MOGAT1: variants seen among roughly 807,000 people sequenced by gnomAD.
MOGAT1 encodes monoacylglycerol O-acyltransferase 1.
In MOGAT1, 32 loss-of-function variants were observed where a neutral mutation model predicts 31.4. The ratio of observed to expected loss-of-function variants is 1.02; its 90% CI spans 0.77 to 1.37. MOGAT1 has a LOEUF of 1.37. Ranked by LOEUF, MOGAT1 falls within the 40% of genes most tolerant of loss-of-function variation. The probability of loss-of-function intolerance (pLI) is 0.00; values close to 1 mark genes in which losing one functional copy is unlikely to be tolerated. For synonymous variants in MOGAT1, 145 were observed against 144.5 expected, an observed-to-expected ratio of 1.00 and a Z score of -0.03; for missense variants, 426 against 402.0, an observed-to-expected ratio of 1.06 and a Z score of -0.51.
At chr2:222,690,737 C>T (rs1476420570) in intron 3 of MOGAT1, among the ~76,000 whole-genome samples, 1 of 152,142 alleles carries the variant, frequency 6.6e-6, no homozygotes, top group Non-Finnish European at 1.5e-5. Context: ...GTCCCGAGGG[C>T]ACACTAGAGG....
At chr2:222,698,659 G>A (rs1326302850) in intron 5 of MOGAT1, 2 of 152,136 alleles carry the variant, frequency 1.3e-5, no homozygotes, top group Non-Finnish European at 2.9e-5. Flanking sequence ...GCTAATGGAG[G>A]GTCTCCGGCT....
chr2:222,703,745 G>T (rs1692964252), intron 5 of MOGAT1, among the ~76,000 whole-genome samples: 1 of 152,096 alleles, frequency 6.6e-6, no homozygotes, highest in South Asian at 2.1e-4. Context: ...CAGCTATGTA[G>T]CATGTTGGAG....
At chr2:222,703,387 TTTTTTTGTTTGTTTGTTTTG>T (rs1247045806) in intron 5 of MOGAT1, among the ~76,000 whole-genome samples, 2 of 151,966 alleles carry the variant, frequency 1.3e-5, no homozygotes, top group African/African-American at 4.8e-5. Context: ...TACCTGAGGG[TTTTTTTGTTTGTTTGTTTTG>T]TTTTTTGTTT....
chr2:222,672,924 T>C (rs568962255), intron 1 of MOGAT1, among the ~76,000 whole-genome samples: 13 of 145,780 alleles, frequency 8.9e-5, no homozygotes, highest in African/African-American at 2.2e-4. Flanking sequence ...TTATTATTAT[T>C]ATCTTTGAGA....
intron 1 of MOGAT1, among the ~76,000 whole-genome samples, chr2:222,683,549 G>A (rs1052380651): frequency 4.6e-5 from 7 of 151,856 alleles, no homozygotes; most frequent in African/African-American, 7.2e-5. Flanking sequence ...CAAACATGGC[G>A]AAACCCCGCC....
At position 222,687,131 on chromosome 2, in the gene MOGAT1, AAAAAAAAAGAAAGAACAAG is replaced by A. The variant is rs1370865456; in HGVS notation, c.95-1209_95-1191del. On this transcript the variant is annotated intron_variant, in intron 1 of 5. Transcript: ENST00000446656. ...TCCATCTCAAAAAAAAAAAAAAAAA[AAAAAAAAAGAAAGAACAAG>A]AAAGAAAGAAAAAATATATATAAAT... 2.1e-3 allele frequency among the ~76,000 whole-genome samples: 250 copies of A among 121,056 alleles called. 12 individuals carry two copies. Among genetic ancestry groups the A allele is most frequent in the Non-Finnish European group, 2.2e-3 (132 of 60,056 alleles). 79.4% of individuals were successfully genotyped at this position (121,056 alleles called of 152,430 possible).
chr2:222,690,559 AAAAG>A (rs1468342631), intron 3 of MOGAT1, among the ~76,000 whole-genome samples: 2 of 152,094 alleles, frequency 1.3e-5, no homozygotes, highest in South Asian at 4.1e-4. Context: ...TCCGTCTCAA[AAAAG>A]AAAGAAAGAA....
chr2:222,683,704 G>A (rs1020199826), intron 1 of MOGAT1, among the ~76,000 whole-genome samples: 1 of 152,074 alleles, frequency 6.6e-6, no homozygotes, highest in African/African-American at 2.4e-5. Flanking sequence ...TCCAGTCTGG[G>A]CAACAAAGTG....
At chr2:222,675,305 GCA>G (rs1692479419) in intron 1 of MOGAT1, among the ~76,000 whole-genome samples, 1 of 152,164 alleles carries the variant, frequency 6.6e-6, no homozygotes, top group South Asian at 2.1e-4. Flanking sequence ...ACATCAGGAT[GCA>G]CAGAGTGTCT....
intron 1 of MOGAT1, 67 bp from the exon 2 acceptor site, chr2:222,688,277 G>T: frequency 1.5e-6 from 2 of 1,298,360 alleles, no homozygotes; most frequent in Non-Finnish European, 1.1e-6. Flanking sequence ...TAATCCCCCT[G>T]CCATGGGCCA....
At position 222,688,400 on chromosome 2, in the gene MOGAT1, T is replaced by A; in HGVS notation, c.151T>A (p.Tyr51Asn). ...GATCATACACAACTATTTGTTCCTTTACATCCCTTATTTGATGTGGCTTTA... is the reference window on the plus strand; with the variant it reads ...GATCATACACAACTATTTGTTCCTTAACATCCCTTATTTGATGTGGCTTTA... ...MLIIHNYLFLYIPYLMWLYFD... is the reference protein window; with the variant it reads ...MLIIHNYLFLNIPYLMWLYFD... The change falls in exon 2 of 6, where the codon TAC becomes AAC. Residue 51 changes from tyrosine to asparagine, a missense_variant. By Grantham distance (143) the Tyr-to-Asn change is moderately radical (BLOSUM62 -2). Coordinates refer to ENST00000446656, the MANE Select transcript of MOGAT1 (RefSeq NM_058165.3). The A allele has an allele frequency of 6.2e-7, 1 of 1,613,614 alleles. No homozygotes were observed. The highest frequency in any genetic ancestry group is 8.5e-7 in the Non-Finnish European group (1 of 1,179,700).
intron 2 of MOGAT1, among the ~76,000 whole-genome samples, chr2:222,688,779 G>A (rs558700902): frequency 6.6e-5 from 10 of 152,270 alleles, no homozygotes; most frequent in South Asian, 4.1e-4. Flanking sequence ...AGCCCATAGC[G>A]CAAGGTAGAA....
At chr2:222,704,647 C>T (rs184244250) in intron 5 of MOGAT1, among the ~76,000 whole-genome samples, 11 of 152,132 alleles carry the variant, frequency 7.2e-5, no homozygotes, top group Admixed American at 2.0e-4. Flanking sequence ...AAAGAGTATC[C>T]CAATTTGCAA....
In MOGAT1 at chr2:222,671,684, C is replaced by T. The variant is rs1346305651; in HGVS notation, c.-102C>T. 6.0e-6 allele frequency: 6 copies of T among 994,734 alleles called. No homozygotes were observed. The highest frequency in any genetic ancestry group is 9.1e-6 in the Non-Finnish European group (6 of 662,450). 61.6% of individuals were successfully genotyped at this position (994,734 alleles called of 1,614,324 possible). A position where few individuals can be genotyped will look rare whatever the true frequency, so the allele number is the denominator to read the frequency against. On this transcript the variant is annotated 5_prime_UTR_variant, in exon 1 of 6. Transcript: ENST00000446656. The stretch of plus-strand genomic sequence containing the variant: ...CCTTTTCCTCTCCGCCCAGCCAGTG[C>T]CCAGCGCGGGGCCCGGATCCGGCCG...
intron 2 of MOGAT1, 37 bp downstream of exon 2, chr2:222,688,559 T>G: frequency 6.8e-7 from 1 of 1,479,818 alleles, no homozygotes; most frequent in Non-Finnish European, 9.2e-7. Context: ...TATTTTGATT[T>G]AGGAGAAGAG....
chr2:222,681,022 G>A (rs1692572815), intron 1 of MOGAT1, among the ~76,000 whole-genome samples: 2 of 152,118 alleles, frequency 1.3e-5, no homozygotes, highest in South Asian at 4.1e-4. Flanking sequence ...TTAATGTATG[G>A]GAATTGTCTG....
At chr2:222,705,128 T>C (rs1296291641) in intron 5 of MOGAT1, among the ~76,000 whole-genome samples, 1 of 152,186 alleles carries the variant, frequency 6.6e-6, no homozygotes, top group Non-Finnish European at 1.5e-5. Context: ...GGGTAACTTC[T>C]GACGTTGCCA....
chr2:222,682,003 T>A (rs1692587415), intron 1 of MOGAT1, among the ~76,000 whole-genome samples: 1 of 152,200 alleles, frequency 6.6e-6, no homozygotes, highest in African/African-American at 2.4e-5. Context: ...ACGAGGGTAA[T>A]TGCATGTTAA....
intron 3 of MOGAT1, among the ~76,000 whole-genome samples, chr2:222,690,358 G>A (rs745400843): frequency 1.3e-5 from 2 of 151,986 alleles, no homozygotes; most frequent in South Asian, 2.1e-4. Context: ...TCAGGAGTTC[G>A]AGACCAGCCT....
Sources: gnomAD v4.1 joint callset for allele counts (sites outside exome capture counted in the v4.1 genomes callset) on GRCh38, gnomAD v4.1.1 for gene constraint, MANE v1.5 for transcripts, NCBI Gene and HGNC (gene_info 2026-07-23, HGNC 2026-07-21) for gene names.